Variants in MGMT observed in about 807,000 individuals in gnomAD.
MGMT encodes the protein O-6-methylguanine-DNA methyltransferase.
MGMT carries 14 observed loss-of-function variants against 15.9 expected under a neutral mutation model. The observed-to-expected ratio is 0.88, with a 90% CI of 0.58 to 1.37. MGMT has a LOEUF of 1.37. Ranked by LOEUF, MGMT falls within the 40% of genes most tolerant of loss-of-function variation. The pLI, the probability that MGMT is intolerant of heterozygous loss-of-function variation, is 0.00. For missense variants in MGMT, 282 were observed against 268.1 expected, an observed-to-expected ratio of 1.05 and a Z score of -0.36; for synonymous variants, 130 against 118.2, an observed-to-expected ratio of 1.10 and a Z score of -0.65.
At chr10:129,742,548 A>C (rs1409344512) in intron 3 of MGMT, among the ~76,000 whole-genome samples, 1 of 150,458 alleles carries the variant, frequency 6.6e-6, no homozygotes, top group African/African-American at 2.5e-5. Flanking sequence ...CCACGGCTGC[A>C]GCGGCCCATG....
At chr10:129,595,972 G>C (rs1469780676) in intron 2 of MGMT, among the ~76,000 whole-genome samples, 1 of 152,136 alleles carries the variant, frequency 6.6e-6, no homozygotes, top group Admixed American at 6.5e-5. Flanking sequence ...CCTGTTTATA[G>C]AAAGAGCTGG....
intron 2 of MGMT, among the ~76,000 whole-genome samples, chr10:129,583,096 T>C (rs1846576216): frequency 6.6e-6 from 1 of 152,132 alleles, no homozygotes; most frequent in Non-Finnish European, 1.5e-5. Flanking sequence ...TCCATAACAA[T>C]GGGGAGAAAA....
At chr10:129,743,083 G>T (rs1020152516) in intron 3 of MGMT, among the ~76,000 whole-genome samples, 2 of 152,196 alleles carry the variant, frequency 1.3e-5, no homozygotes, top group Non-Finnish European at 2.9e-5. Context: ...CCCCTTGGCC[G>T]CTATGTGGGT....
chr10:129,737,826 G>T (rs574299547), intron 3 of MGMT, among the ~76,000 whole-genome samples: 1 of 152,220 alleles, frequency 6.6e-6, no homozygotes, highest in Non-Finnish European at 1.5e-5. Context: ...TGAGGTGTCA[G>T]TCTGGCCCTG....
chr10:129,584,210 A>G (rs80347031), intron 2 of MGMT, among the ~76,000 whole-genome samples: 2,360 of 152,276 alleles, frequency 0.015, 54 homozygotes, highest in African/African-American at 0.053. Flanking sequence ...TTGCAGGGAA[A>G]CAGACATGGA....
chr10:129,552,698 A>T (rs1039481487), intron 2 of MGMT, among the ~76,000 whole-genome samples: 2 of 152,170 alleles, frequency 1.3e-5, no homozygotes, highest in African/African-American at 4.8e-5. Context: ...CTTCGGGGCT[A>T]CTGATGGCAG....
chr10:129,539,386 C>A (rs777714863), intron 2 of MGMT, among the ~76,000 whole-genome samples: 16 of 152,284 alleles, frequency 1.1e-4, no homozygotes, highest in Middle Eastern at 3.4e-3. Flanking sequence ...GAATTACCAT[C>A]AGTTGACCAA....
At chr10:129,734,359 T>G (rs1848536248) in intron 3 of MGMT, among the ~76,000 whole-genome samples, 1 of 143,002 alleles carries the variant, frequency 7.0e-6, no homozygotes, top group East Asian at 2.3e-4. Context: ...TGGCTCTCTG[T>G]TTGTCTGTTA....
chr10:129,749,200 T>A (rs966175519), intron 3 of MGMT, among the ~76,000 whole-genome samples: 1 of 152,198 alleles, frequency 6.6e-6, no homozygotes, highest in Non-Finnish European at 1.5e-5. Context: ...TGGCCTTTGA[T>A]AGATGTATGA....
chr10:129,580,703 T>C (rs1260989829), intron 2 of MGMT, among the ~76,000 whole-genome samples: 1 of 152,166 alleles, frequency 6.6e-6, no homozygotes, highest in Non-Finnish European at 1.5e-5. Context: ...CATGATGGCT[T>C]GTCCCCCGAC....
intron 2 of MGMT, among the ~76,000 whole-genome samples, chr10:129,538,782 C>T (rs185733737): frequency 4.5e-3 from 690 of 152,136 alleles, no homozygotes; most frequent in Non-Finnish European, 5.1e-3. Flanking sequence ...ATTACAGGCA[C>T]GCACCGCCAC....
At chr10:129,546,917 G>GA (rs1367617892) in intron 2 of MGMT, among the ~76,000 whole-genome samples, 4 of 152,176 alleles carry the variant, frequency 2.6e-5, no homozygotes, top group African/African-American at 9.7e-5. Context: ...GAATCAAATA[G>GA]AACGTGGGGG....
chr10:129,591,356 C>CG (rs2133054226), intron 2 of MGMT, among the ~76,000 whole-genome samples: 1 of 152,300 alleles, frequency 6.6e-6, no homozygotes, highest in South Asian at 2.1e-4. Context: ...TCCACTCGTG[C>CG]GGGAAGACAT....
chr10:129,536,488 C>CTG, intron 2 of MGMT, 111 bp downstream of exon 2: 1 of 1,329,130 alleles, frequency 7.5e-7, no homozygotes, highest in Non-Finnish European at 1.0e-6. Flanking sequence ...TAGCCTTACC[C>CTG]CCACAACCGC....
rs555298042 is a variant in MGMT, at chr10:129,556,219, C to A, written c.125+19842C>A. Among the ~76,000 whole-genome samples the A allele has an allele frequency of 6.6e-6, 1 of 152,130 alleles. No homozygotes were observed. Among genetic ancestry groups the A allele is most frequent in the East Asian group, 1.9e-4 (1 of 5,184 alleles). ...CTGTTGGTCTCTGTGTAGCACGTGG[C>A]CCCCAAAATTTAGGTGTTGAAGTCC... On this transcript the variant is annotated intron_variant, in intron 2 of 4. Coordinates refer to ENST00000651593, the MANE Select transcript of MGMT (RefSeq NM_002412.5). The surrounding 1 kb of genome is among the most constrained non-coding windows in gnomAD (Gnocchi z 4.3).
intron 2 of MGMT, among the ~76,000 whole-genome samples, chr10:129,592,084 A>G (rs1158983330): frequency 6.6e-6 from 1 of 152,192 alleles, no homozygotes; most frequent in African/African-American, 2.4e-5. Context: ...CAAAGCAGGG[A>G]TGTTTTCCGG....
chr10:129,615,511 G>A (rs957754171), intron 2 of MGMT, among the ~76,000 whole-genome samples: 2 of 152,186 alleles, frequency 1.3e-5, no homozygotes, highest in Non-Finnish European at 2.9e-5. Context: ...GCTGTCCCCA[G>A]CTCCTCTCCT....
intron 2 of MGMT, among the ~76,000 whole-genome samples, chr10:129,592,977 T>G (rs931574608): frequency 6.6e-6 from 1 of 152,184 alleles, no homozygotes; most frequent in Non-Finnish European, 1.5e-5. Context: ...AGAGTCCTCA[T>G]GATGCTTAAG....
chr10:129,700,840 T>C (rs948535305), intron 2 of MGMT: 13 of 152,216 alleles, frequency 8.5e-5, no homozygotes, highest in African/African-American at 2.7e-4. Context: ...CAAGACACTC[T>C]GCTAGAGATC....
Sources: gnomAD v4.1 joint callset for allele counts (sites outside exome capture counted in the v4.1 genomes callset) on GRCh38, gnomAD v4.1.1 for gene constraint, Gnocchi (gnomAD v3.1) non-coding constraint, MANE v1.5 for transcripts, NCBI Gene and HGNC (gene_info 2026-07-23, HGNC 2026-07-21) for gene names.